FHOD3: variants seen among roughly 807,000 people sequenced by gnomAD.
FHOD3 encodes the protein formin homology 2 domain containing 3, also known as FH1/FH2 domain-containing protein 3.
A neutral mutation model predicts 173.0 loss-of-function variants in FHOD3; 90 were observed. The observed-to-expected ratio is 0.52, with a 90% CI of 0.44 to 0.62. The LOEUF is 0.62. FHOD3 is among the 20% of genes least tolerant of loss of function. The probability of loss-of-function intolerance (pLI) is 0.00; values close to 1 mark genes in which losing one functional copy is unlikely to be tolerated. For synonymous variants in FHOD3, 828 were observed against 823.0 expected (o/e 1.01, Z -0.10); for missense variants, 1,945 against 2,034.7 (o/e 0.96, Z 0.85).
At position 36,733,904 on chromosome 18, in the gene FHOD3, G is replaced by A. The variant is rs145951843; in HGVS notation, c.3576+3100G>A. Among the ~76,000 whole-genome samples the A allele has an allele frequency of 6.1e-3, 929 of 152,278 alleles. 6 individuals carry two copies. The highest frequency in any genetic ancestry group is 0.01 in the Middle Eastern group (3 of 294). ...TCCCAAGCCAGTGAGCCAGAGAGCC[G>A]GGGAGCGGGGACACAAGCTCTGAAG... On this transcript the variant is annotated intron_variant, in intron 20 of 28. Transcript: ENST00000590592.
In FHOD3 at chr18:36,775,943, T is replaced by A. The variant is rs149192786; in HGVS notation, c.4787-3505T>A. ...TGTTATGAGCTTTGAGGGGAGGCCG[T>A]CCCGTGGGAAAGGCTGGAGAGCAGC... On this transcript the variant is annotated intron_variant, in intron 28 of 28. Transcript: ENST00000590592. Among the ~76,000 whole-genome samples, 20 of 152,114 alleles carry A rather than the reference T, an allele frequency of 1.3e-4. No individual in the cohort carries two copies. The East Asian group carries it at 2.7e-3, about 21-fold the overall frequency.
chr18:36,595,463 C>T (rs1022666017), intron 7 of FHOD3, among the ~76,000 whole-genome samples: 1 of 152,188 alleles, frequency 6.6e-6, no homozygotes, highest in Non-Finnish European at 1.5e-5. Context: ...CCCTTCAACT[C>T]CTGCCCAGCT....
chr18:36,759,686 G>A (rs2042786786), intron 26 of FHOD3, among the ~76,000 whole-genome samples: 1 of 152,174 alleles, frequency 6.6e-6, no homozygotes, highest in Non-Finnish European at 1.5e-5. Flanking sequence ...GGATGCAGGT[G>A]CGAGAACCAG....
chr18:36,550,873 G>A (rs559173252), intron 5 of FHOD3, among the ~76,000 whole-genome samples: 35 of 152,102 alleles, frequency 2.3e-4, no homozygotes, highest in Admixed American at 1.6e-3. Flanking sequence ...AATAAAGCCA[G>A]CTTTACCTTT....
intron 3 of FHOD3, among the ~76,000 whole-genome samples, chr18:36,396,198 T>C (rs1196482025): frequency 1.3e-5 from 2 of 152,230 alleles, no homozygotes; most frequent in East Asian, 3.8e-4. Context: ...GTCCAGTAAT[T>C]AGACTGTGTC....
At chr18:36,455,124 G>A (rs2144502307) in intron 3 of FHOD3, among the ~76,000 whole-genome samples, 1 of 152,302 alleles carries the variant, frequency 6.6e-6, no homozygotes, top group Middle Eastern at 3.4e-3. Flanking sequence ...TTCTGAAATT[G>A]GAGTGCATGT....
intron 5 of FHOD3, among the ~76,000 whole-genome samples, chr18:36,546,599 G>A (rs922981338): frequency 2.0e-5 from 3 of 152,176 alleles, no homozygotes; most frequent in African/African-American, 4.8e-5. Context: ...AAGGGAGGGT[G>A]TCAGGCTGGA....
At chr18:36,494,809 C>T (rs1407167582) in intron 3 of FHOD3, among the ~76,000 whole-genome samples, 2 of 152,192 alleles carry the variant, frequency 1.3e-5, no homozygotes, top group Non-Finnish European at 2.9e-5. Flanking sequence ...AGTTTGATCT[C>T]AGCCCCCATT....
intron 8 of FHOD3, among the ~76,000 whole-genome samples, chr18:36,604,305 G>A (rs1165704095): frequency 6.6e-6 from 1 of 152,228 alleles, no homozygotes; most frequent in Non-Finnish European, 1.5e-5. Flanking sequence ...CTGAAATACA[G>A]CTGGAGAAAC....
chr18:36,466,557 T>A (rs1298511217), intron 3 of FHOD3, among the ~76,000 whole-genome samples: 1 of 152,218 alleles, frequency 6.6e-6, no homozygotes, highest in Non-Finnish European at 1.5e-5. Flanking sequence ...GGCAGAGGGC[T>A]TATAGATCAT....
intron 3 of FHOD3, among the ~76,000 whole-genome samples, chr18:36,461,442 T>TG (rs1568302149): frequency 7.2e-6 from 1 of 137,960 alleles, no homozygotes; most frequent in African/African-American, 3.2e-5. Flanking sequence ...GCTCAGTCTG[T>TG]TTTTTTTTGT....
intron 9 of FHOD3, among the ~76,000 whole-genome samples, chr18:36,615,657 A>G (rs922197207): frequency 2.6e-5 from 4 of 152,104 alleles, no homozygotes; most frequent in African/African-American, 7.2e-5. Flanking sequence ...ACTAGTCCCT[A>G]TTTTTTCAGA....
rs2038252793 is a variant in FHOD3 at position 36,681,698 on chromosome 18, A to G, written c.1970+128A>G. 6.0e-6 allele frequency: 7 copies of G among 1,161,608 alleles called. 1 individual carries two copies. In the South Asian group the frequency reaches 6.6e-5, roughly 11 times the overall value. 72.0% of individuals were successfully genotyped at this position (1,161,608 alleles called of 1,614,324 possible). ...AAAATTCTGTCTGTATTTTTAAGGA[A>G]GAGAAAGACATACCTGAAATAGGCT... On this transcript the variant is annotated intron_variant, in intron 15 of 28. Coordinates refer to ENST00000590592, the MANE Select transcript of FHOD3 (RefSeq NM_001281740.3).
At chr18:36,421,618 T>A (rs1029282649) in intron 3 of FHOD3, among the ~76,000 whole-genome samples, 4 of 152,226 alleles carry the variant, frequency 2.6e-5, no homozygotes, top group Non-Finnish European at 5.9e-5. Context: ...TGAAAATGTA[T>A]AAAGGTAGCT....
At chr18:36,552,233 T>G (rs1305110304) in intron 5 of FHOD3, among the ~76,000 whole-genome samples, 1 of 152,218 alleles carries the variant, frequency 6.6e-6, no homozygotes, top group African/African-American at 2.4e-5. Context: ...GTTGGATTCC[T>G]AGGTATTTTA....
chr18:36,573,871 G>A (rs982345809), intron 5 of FHOD3, among the ~76,000 whole-genome samples: 4 of 152,134 alleles, frequency 2.6e-5, no homozygotes, highest in Non-Finnish European at 5.9e-5. Flanking sequence ...TAAACTTAGA[G>A]CTATTTCCTT....
intron 19 of FHOD3, among the ~76,000 whole-genome samples, chr18:36,729,561 T>G (rs1213453838): frequency 2.0e-5 from 3 of 152,244 alleles, no homozygotes; most frequent in African/African-American, 7.2e-5. Flanking sequence ...AGGTTTCTAG[T>G]GAGGGCACTT....
chr18:36,546,941 T>C (rs2057434263), intron 5 of FHOD3, among the ~76,000 whole-genome samples: 1 of 152,218 alleles, frequency 6.6e-6, no homozygotes, highest in Non-Finnish European at 1.5e-5. Context: ...TAGTGAGATC[T>C]AAGGGCTTGA....
intron 1 of FHOD3, among the ~76,000 whole-genome samples, chr18:36,308,531 TC>T (rs2092163574): frequency 6.6e-6 from 1 of 152,132 alleles, no homozygotes; most frequent in African/African-American, 2.4e-5. Flanking sequence ...CATGTATGTA[TC>T]CCATTGTCTC....
Sources: gnomAD v4.1 joint callset for allele counts (sites outside exome capture counted in the v4.1 genomes callset) on GRCh38, gnomAD v4.1.1 for gene constraint, MANE v1.5 for transcripts, NCBI Gene and HGNC (gene_info 2026-07-23, HGNC 2026-07-21) for gene names.